The following PDE4D variants were observed in gnomAD, a reference collection of about 807,000 sequenced individuals.
PDE4D encodes the protein 3',5'-cyclic-AMP phosphodiesterase 4D.
A neutral mutation model predicts 87.4 loss-of-function variants in PDE4D; 24 were observed. The ratio of observed to expected loss-of-function variants is 0.27; its 90% CI spans 0.20 to 0.39. The LOEUF (loss-of-function observed/expected upper bound fraction) is 0.39, where lower values mean the gene tolerates loss of function less well. PDE4D is among the 10% of genes least tolerant of loss of function. The pLI is 1.00. For synonymous variants in PDE4D, 384 were observed against 383.2 expected (o/e 1.00, Z -0.02); for missense variants, 714 against 1,041.0 (o/e 0.69, Z 4.32).
intron 1 of PDE4D, chr5:60,460,324 TA>T: frequency 9.8e-7 from 1 of 1,016,530 alleles, no homozygotes; most frequent in Non-Finnish European, 1.6e-6. Context: ...TTCATCAAAA[TA>T]AAAATCTATT....
At position 58,974,915 on chromosome 5, in the gene PDE4D, G is replaced by A. The variant is rs759832724; in HGVS notation, c.2179C>T (p.Arg727Trp). 1.2e-5 allele frequency: 19 copies of A among 1,612,688 alleles called. No homozygotes were observed. Among genetic ancestry groups the A allele is most frequent in the East Asian group, 6.7e-5 (3 of 44,860 alleles). ...SPAPDDPEEG[R>W]QGQTEKFQFE... Reference sequence around the variant, plus strand: ...TGGAATTTCTCAGTTTGACCCTGCCGGCCCTCCTCTGGGTCATCAGGTGCA... The same window carrying A: ...TGGAATTTCTCAGTTTGACCCTGCCAGCCCTCCTCTGGGTCATCAGGTGCA... The change falls in exon 15 of 15, where the codon CGG (arginine) becomes TGG (tryptophan). Residue 727 changes from arginine to tryptophan, a missense_variant. By Grantham distance (101) the Arg-to-Trp change is moderately radical. Coordinates refer to ENST00000340635, the MANE Select transcript of PDE4D (RefSeq NM_001104631.2).
chr5:60,495,388 GGCTCCCACTACAGGAT>G (rs1277892073), intron 1 of PDE4D, among the ~76,000 whole-genome samples: 1 of 152,124 alleles, frequency 6.6e-6, no homozygotes, highest in African/African-American at 2.4e-5. Flanking sequence ...GTAGATCCCT[GGCTCCCACTACAGGAT>G]GCTGATCCCA....
intron 5 of PDE4D, among the ~76,000 whole-genome samples, chr5:59,103,319 T>G (rs908065375): frequency 6.6e-6 from 1 of 151,638 alleles, no homozygotes; most frequent in African/African-American, 2.4e-5. Context: ...TTAAATGGAG[T>G]ATTTACCAGG....
intron 1 of PDE4D, chr5:59,587,386 A>G (rs1245065291): frequency 3.3e-6 from 3 of 918,872 alleles, no homozygotes; most frequent in African/African-American, 3.6e-5. Flanking sequence ...CAGTTTTCCA[A>G]TAGGTGTCAT....
chr5:60,164,302 C>T (rs1249563662), intron 2 of PDE4D, among the ~76,000 whole-genome samples: 3 of 151,962 alleles, frequency 2.0e-5, no homozygotes, highest in Middle Eastern at 3.4e-3. Context: ...TTACAACTAA[C>T]GGGAAAACTA....
intron 1 of PDE4D, among the ~76,000 whole-genome samples, chr5:60,414,025 G>C (rs534611334): frequency 6.6e-6 from 1 of 152,014 alleles, no homozygotes; most frequent in Admixed American, 6.6e-5. Flanking sequence ...CAAGTTTCTC[G>C]ACAGATACAA....
chr5:59,573,997 C>CAAAAAAAAAAA (rs11437091), intron 1 of PDE4D, among the ~76,000 whole-genome samples: 2 of 86,982 alleles, frequency 2.3e-5, no homozygotes, highest in African/African-American at 1.2e-4. Flanking sequence ...GACTCTGTCT[C>CAAAAAAAAAAA]AAAAAAAAAT....
chr5:59,402,941 C>A (rs1002844239), intron 1 of PDE4D, among the ~76,000 whole-genome samples: 1 of 152,070 alleles, frequency 6.6e-6, no homozygotes, highest in African/African-American at 2.4e-5. Context: ...ATTGTATCAT[C>A]CCTGCAAAGT....
intron 1 of PDE4D, among the ~76,000 whole-genome samples, chr5:59,512,921 T>C (rs1452113051): frequency 6.6e-6 from 1 of 152,158 alleles, no homozygotes; most frequent in Non-Finnish European, 1.5e-5. Context: ...AAAAAATATG[T>C]CAAGGTATAA....
rs778410604 is a variant in PDE4D, at chr5:59,275,308, G to C, written c.456-59340C>G. 7.1e-6 allele frequency: 11 copies of C among 1,554,400 alleles called. No individual in the cohort carries two copies. The Admixed American group carries it at 1.9e-4, about 26-fold the overall frequency. On this transcript the variant is annotated intron_variant, in intron 1 of 14. Transcript: ENST00000340635. ...AGTACGTCAATCTTAAAAGAGAAAA[G>C]GGGAAAAGCATGAGAGAAAAGAACG...
At chr5:59,821,867 C>G (rs1293292438) in intron 1 of PDE4D, among the ~76,000 whole-genome samples, 1 of 152,172 alleles carries the variant, frequency 6.6e-6, no homozygotes, top group African/African-American at 2.4e-5. Flanking sequence ...CTCTTACAAG[C>G]TGGTACCAGC....
In PDE4D at chr5:59,957,191, G is replaced by T. The variant is rs145065552; in HGVS notation, c.272+31297C>A. Among the ~76,000 whole-genome samples the T allele has an allele frequency of 2.2e-3, 335 of 152,158 alleles. 1 individual carries two copies. Among genetic ancestry groups the T allele is most frequent in the African/African-American group, 7.9e-3 (328 of 41,530 alleles). On this transcript the variant is annotated intron_variant, in intron 3 of 16. Coordinates refer to the PDE4D transcript ENST00000502484. ...TATCCAATCAGCTAGTCCACAATAG[G>T]TACATTTCTTTTTTTAATTATTATT...
intron 1 of PDE4D, among the ~76,000 whole-genome samples, chr5:59,334,258 T>G (rs1166360643): frequency 5.6e-5 from 4 of 71,726 alleles, no homozygotes; most frequent in African/African-American, 7.7e-5. Flanking sequence ...TTTTTTTTTT[T>G]TTTTTTTTTT....
intron 1 of PDE4D, among the ~76,000 whole-genome samples, chr5:59,576,334 TA>T (rs1289834837): frequency 1.3e-5 from 2 of 152,112 alleles, no homozygotes; most frequent in Non-Finnish European, 2.9e-5. Context: ...ATGATGTCTA[TA>T]AAAAAATTAG....
chr5:60,176,580 GTC>G (rs1449240220), intron 2 of PDE4D, among the ~76,000 whole-genome samples: 1 of 152,068 alleles, frequency 6.6e-6, no homozygotes, highest in African/African-American at 2.4e-5. Flanking sequence ...ATTTTTCCAT[GTC>G]TTTAAATATT....
intron 1 of PDE4D, among the ~76,000 whole-genome samples, chr5:60,268,030 A>G (rs1344412284): frequency 6.6e-6 from 1 of 152,150 alleles, no homozygotes; most frequent in Non-Finnish European, 1.5e-5. Flanking sequence ...AGAGGAAATG[A>G]GACCTTTCCA....
chr5:60,104,013 A>T (rs1054967423), intron 2 of PDE4D, among the ~76,000 whole-genome samples: 1 of 152,150 alleles, frequency 6.6e-6, no homozygotes, highest in Non-Finnish European at 1.5e-5. Context: ...TGGGCGCAGG[A>T]CAGTGGGTGC....
chr5:60,387,940 C>T (rs546261481), intron 1 of PDE4D, among the ~76,000 whole-genome samples: 1 of 152,298 alleles, frequency 6.6e-6, no homozygotes, highest in Non-Finnish European at 1.5e-5. Flanking sequence ...CAACCAACTT[C>T]AAGTTGGGGT....
intron 1 of PDE4D, among the ~76,000 whole-genome samples, chr5:60,420,127 GGAA>G (rs756561303): frequency 4.6e-5 from 7 of 152,162 alleles, no homozygotes; most frequent in East Asian, 1.9e-4. Context: ...AAGTAATGCT[GGAA>G]GAAGAATAGT....
Sources: gnomAD v4.1 joint callset for allele counts (sites outside exome capture counted in the v4.1 genomes callset) on GRCh38, gnomAD v4.1.1 for gene constraint, MANE v1.5 for transcripts, NCBI Gene and HGNC (gene_info 2026-07-23, HGNC 2026-07-21) for gene names.